The following LRRC49 variants were observed in gnomAD, a reference collection of about 807,000 sequenced individuals.
The protein encoded by LRRC49 is leucine-rich repeat-containing protein 49.
Under a neutral mutation model 83.3 loss-of-function variants are expected in LRRC49, and 50 were observed. That is an observed-to-expected ratio of 0.60 (90% CI 0.48 to 0.76). The LOEUF (loss-of-function observed/expected upper bound fraction) is 0.76, where lower values mean the gene tolerates loss of function less well. Among genes scored for constraint, LRRC49 ranks in the 30% least tolerant of loss-of-function variants. The pLI, the probability that LRRC49 is intolerant of heterozygous loss-of-function variation, is 0.00. For missense variants in LRRC49, 704 were observed against 809.1 expected, an observed-to-expected ratio of 0.87 and a Z score of 1.58; for synonymous variants, 286 against 283.3, an observed-to-expected ratio of 1.01 and a Z score of -0.10.
At chr15:70,873,919 A>G (rs2033101430) in intron 2 of LRRC49, among the ~76,000 whole-genome samples, 1 of 152,212 alleles carries the variant, frequency 6.6e-6, no homozygotes, top group Non-Finnish European at 1.5e-5. Flanking sequence ...TACTGCAACT[A>G]GGTGGTAGGC....
chr15:70,954,957 G>A (rs2036346561), intron 8 of LRRC49, among the ~76,000 whole-genome samples: 1 of 151,966 alleles, frequency 6.6e-6, no homozygotes, highest in Admixed American at 6.6e-5. Flanking sequence ...AGGTGCTCTG[G>A]TAGGGGGCAC....
chr15:71,032,114 C>G (rs1199114552), intron 14 of LRRC49, among the ~76,000 whole-genome samples: 1 of 152,158 alleles, frequency 6.6e-6, no homozygotes, highest in African/African-American at 2.4e-5. Flanking sequence ...AACTCAGGAC[C>G]CTGGTGATGT....
intron 8 of LRRC49, among the ~76,000 whole-genome samples, chr15:70,937,504 A>G (rs1212712752): frequency 1.3e-5 from 2 of 152,098 alleles, no homozygotes; most frequent in Non-Finnish European, 2.9e-5. Flanking sequence ...GGGCTTTTTA[A>G]TGCCCTCAGT....
At chr15:70,928,470 G>T (rs983874065) in intron 7 of LRRC49, among the ~76,000 whole-genome samples, 1 of 152,046 alleles carries the variant, frequency 6.6e-6, no homozygotes, top group African/African-American at 2.4e-5. Flanking sequence ...TTAATAAAAT[G>T]TGGTAATTTT....
At chr15:71,032,030 C>A (rs1249245843) in intron 14 of LRRC49, among the ~76,000 whole-genome samples, 1 of 152,100 alleles carries the variant, frequency 6.6e-6, no homozygotes, top group Non-Finnish European at 1.5e-5. Context: ...GTTCCAGGCG[C>A]CACTGGGGTA....
intron 2 of LRRC49, among the ~76,000 whole-genome samples, chr15:70,894,409 T>C (rs1312121966): frequency 1.3e-5 from 2 of 152,226 alleles, no homozygotes; most frequent in East Asian, 1.9e-4. Context: ...TGGACACATG[T>C]TAGACTTAAC....
Position 70,931,296 on chromosome 15 carries a change from G to A in LRRC49, c.712-5465G>A, listed in dbSNP as rs147262830. Among the ~76,000 whole-genome samples the A allele has an allele frequency of 1.7e-3, 252 of 152,298 alleles. No individual in the cohort carries two copies. The Middle Eastern group carries it at 0.02, about 12-fold the overall frequency. On this transcript the variant is annotated intron_variant, in intron 7 of 15. Coordinates refer to ENST00000260382, the MANE Select transcript of LRRC49 (RefSeq NM_017691.5). ...GGGGGAAGTGCCAGTGAGTGGAGCA[G>A]TCAGAACACACATTTGTTGATTAAG...
At chr15:71,017,106 G>C (rs985913648) in intron 14 of LRRC49, among the ~76,000 whole-genome samples, 1 of 152,026 alleles carries the variant, frequency 6.6e-6, no homozygotes, top group Non-Finnish European at 1.5e-5. Flanking sequence ...GCAAGACCCT[G>C]TCTCTAAATA....
intron 4 of LRRC49, 38 bp downstream of exon 4, chr15:70,901,062 G>A (rs770696205): frequency 8.2e-7 from 1 of 1,222,090 alleles, no homozygotes; most frequent in South Asian, 1.3e-5. Flanking sequence ...TTTTTGACTA[G>A]GTAATACATA....
At chr15:71,037,092 T>C (rs970264446) in intron 14 of LRRC49, 87 bp from the exon 15 acceptor site, 4 of 883,024 alleles carry the variant, frequency 4.5e-6, no homozygotes, top group Non-Finnish European at 1.8e-6. Context: ...AAAAAGTATA[T>C]GTTCTCCTCT....
At chr15:70,899,033 T>C (rs1293994196) in intron 3 of LRRC49, among the ~76,000 whole-genome samples, 1 of 152,232 alleles carries the variant, frequency 6.6e-6, no homozygotes, top group East Asian at 1.9e-4. Context: ...CTATTTATTG[T>C]AAGCAGTATA....
chr15:70,995,617 T>A (rs144000206), intron 11 of LRRC49, among the ~76,000 whole-genome samples: 105 of 152,340 alleles, frequency 6.9e-4, no homozygotes, highest in African/African-American at 2.4e-3. Flanking sequence ...CTTCAGTGAA[T>A]GCAGGAGTAT....
At chr15:71,002,322 G>A (rs2038288589) in intron 11 of LRRC49, among the ~76,000 whole-genome samples, 2 of 151,666 alleles carry the variant, frequency 1.3e-5, no homozygotes, top group East Asian at 1.9e-4. Context: ...TGGGGGGGGC[G>A]TGTAACTAAA....
intron 8 of LRRC49, among the ~76,000 whole-genome samples, chr15:70,948,710 A>G (rs932784733): frequency 1.3e-5 from 2 of 152,118 alleles, no homozygotes; most frequent in African/African-American, 2.4e-5. Context: ...GGAATCAGCC[A>G]TTTCTCCAAG....
At chr15:70,962,029 T>G (rs887467264) in intron 8 of LRRC49, among the ~76,000 whole-genome samples, 2 of 152,158 alleles carry the variant, frequency 1.3e-5, no homozygotes, top group African/African-American at 4.8e-5. Flanking sequence ...ACTTCGGAAA[T>G]GAGCCTGTAA....
chr15:71,029,180 T>C (rs1385483462), intron 14 of LRRC49, among the ~76,000 whole-genome samples: 1 of 152,248 alleles, frequency 6.6e-6, no homozygotes, highest in Non-Finnish European at 1.5e-5. Flanking sequence ...AACTTCTTTA[T>C]TGCTGCCTTA....
In LRRC49 at chr15:71,053,528, G is replaced by C. The variant is rs1442152074; in HGVS notation, c.*3916G>C. ...CCAAGTGCAGGTGTTAAGTAGGTGT[G>C]AATATGAGTTGGGAGTTGAGAAGTA... On this transcript the variant is annotated 3_prime_UTR_variant, in exon 16 of 16. Coordinates refer to ENST00000260382, the MANE Select transcript of LRRC49 (RefSeq NM_017691.5). 6.6e-6 allele frequency: 1 copy of C among 152,230 alleles called. No homozygotes were observed. Among genetic ancestry groups the C allele is most frequent in the African/African-American group, 2.4e-5 (1 of 41,444 alleles). 9.4% of individuals were successfully genotyped at this position (152,230 alleles called of 1,614,324 possible).
chr15:70,886,220 G>A (rs1177205945), intron 2 of LRRC49, among the ~76,000 whole-genome samples: 1 of 152,112 alleles, frequency 6.6e-6, no homozygotes, highest in Non-Finnish European at 1.5e-5. Context: ...ATTAGGATAG[G>A]AAAATTAATT....
chr15:71,037,268 G>A lies in LRRC49; in HGVS notation c.1793G>A (p.Gly598Glu). The A allele has an allele frequency of 3.7e-6, 6 of 1,609,856 alleles. No individual in the cohort carries two copies. Among genetic ancestry groups the A allele is most frequent in the Non-Finnish European group, 5.1e-6 (6 of 1,177,114 alleles). Residue 598 changes from glycine (G) to glutamate (E), a missense_variant, in exon 15 of 16, where the codon GGA (glycine) becomes GAA (glutamate). Transcript: ENST00000260382. ...AATAATGACAGCAAAAGACTTGTAG[G>A]AGAAAACACAAATCGTGCTACATTA... ...EENNDSKRLV[G>E]ENTNRATLNY... is the part of the protein sequence containing the mutation.
Sources: allele counts gnomAD v4.1 joint callset (sites outside exome capture counted in the v4.1 genomes callset), GRCh38; gene constraint gnomAD v4.1.1; transcripts MANE v1.5; gene names NCBI Gene and HGNC (gene_info 2026-07-23, HGNC 2026-07-21).